SARDH: variants seen among roughly 807,000 people sequenced by gnomAD.
The protein encoded by SARDH is sarcosine dehydrogenase, also known as sarcosine dehydrogenase, mitochondrial.
SARDH carries 95 observed loss-of-function variants against 109.1 expected under a neutral mutation model. The observed-to-expected ratio is 0.87, with a 90% CI of 0.74 to 1.03. The LOEUF (loss-of-function observed/expected upper bound fraction) is 1.03. SARDH is among the 50% of genes least tolerant of loss of function. The probability of loss-of-function intolerance (pLI) is 0.00; values close to 1 mark genes in which losing one functional copy is unlikely to be tolerated. For synonymous variants in SARDH, 572 were observed against 534.8 expected (o/e 1.07, Z -0.96); for missense variants, 1,267 against 1,287.8 (o/e 0.98, Z 0.25).
chr9:133,726,460 C>A (rs1335819294), intron 6 of SARDH, among the ~76,000 whole-genome samples: 1 of 151,672 alleles, frequency 6.6e-6, no homozygotes, highest in Non-Finnish European at 1.5e-5. Flanking sequence ...AAAACAAAGC[C>A]AGCCCCAGAG....
chr9:133,726,488 G>A (rs1832496899), intron 6 of SARDH, among the ~76,000 whole-genome samples: 1 of 152,020 alleles, frequency 6.6e-6, no homozygotes, highest in African/African-American at 2.4e-5. Flanking sequence ...GAGCAGGACA[G>A]TGGGGACACC....
At position 133,729,775 on chromosome 9, in the gene SARDH, T is replaced by C. The variant is rs1379645119; in HGVS notation, c.905A>G (p.Glu302Gly). 1.2e-6 allele frequency: 2 copies of C among 1,612,618 alleles called. No individual in the cohort carries two copies. Among genetic ancestry groups the C allele is most frequent in the South Asian group, 1.1e-5 (1 of 91,048 alleles). The change falls in exon 6 of 21, where the codon GAG becomes GGG. Residue 302 changes from glutamate (E) to glycine (G), a missense_variant. Glu to Gly is a moderately conservative substitution (Grantham distance 98). Transcript: ENST00000439388. ...HHAYVVTERI[E>G]GIQNMPNVRD... ...GGGCTGTCCACCTACCTGAATCCCC[T>C]CGATGCGCTCGGTGACGACATAGGC...
rs1305077317 is a variant in SARDH, at chr9:133,728,098, C to T, written c.915+1667G>A. Among the ~76,000 whole-genome samples, 1 of 152,176 alleles carries T rather than the reference C, an allele frequency of 6.6e-6. No homozygotes were observed. ...CTCAGCTCCGACACCCACCGTGTGA[C>T]TACTCTTAGTCCCTAACCCGGCACA... On this transcript the variant is annotated intron_variant, in intron 6 of 20. Transcript: ENST00000439388. This position sits in a 1 kb window ranked among gnomAD's most constrained non-coding sequence, Gnocchi z 5.0.
At chr9:133,736,207 T>C (rs930174826) in intron 1 of SARDH, among the ~76,000 whole-genome samples, 2 of 152,224 alleles carry the variant, frequency 1.3e-5, no homozygotes, top group African/African-American at 4.8e-5. Context: ...AAAGGGGGTT[T>C]CTCCAACAAT....
intron 17 of SARDH, among the ~76,000 whole-genome samples, chr9:133,681,706 G>A (rs908831743): frequency 5.3e-5 from 8 of 152,218 alleles, no homozygotes; most frequent in African/African-American, 1.9e-4. Flanking sequence ...TAAAACACTA[G>A]TGCTTGACTG....
At chr9:133,661,339 CAAAAA>C (rs748291485), downstream of SARDH, among the ~76,000 whole-genome samples, 2 of 140,184 alleles carry the variant, frequency 1.4e-5, no homozygotes, top group Non-Finnish European at 3.1e-5. Context: ...AACCCTGTCT[CAAAAA>C]AAAAACAACA....
At chr9:133,717,186 G>T in intron 8 of SARDH, 140 bp downstream of exon 8, 1 of 1,048,066 alleles carries the variant, frequency 9.5e-7, no homozygotes, top group Non-Finnish European at 1.4e-6. Flanking sequence ...CAGGGCTGCT[G>T]GAGCCAAGCA....
At chr9:133,665,146 G>A (rs760823870) in intron 20 of SARDH, among the ~76,000 whole-genome samples, 4 of 152,106 alleles carry the variant, frequency 2.6e-5, no homozygotes, top group Non-Finnish European at 4.4e-5. Context: ...GGCAGGAGAC[G>A]TGCACCGGCC....
At position 133,717,197 on chromosome 9, in the gene SARDH, G is replaced by T. The variant is rs973703816; in HGVS notation, c.1150+129C>A. ...TACCCAGGGCTGCTGGAGCCAAGCA[G>T]CGAGAGGGACCGGGGACAGCCCTGG... On this transcript the variant is annotated intron_variant, in intron 8 of 20. Transcript: ENST00000439388. 264 of 1,186,348 alleles carry T rather than the reference G, an allele frequency of 2.2e-4. 2 individuals are homozygous for T. Among genetic ancestry groups the T allele is most frequent in the Non-Finnish European group, 4.2e-5 (35 of 837,526 alleles). The allele number at this position is 1,186,348 out of a possible 1,614,324, so 73.5% of individuals were successfully genotyped here. A position where few individuals can be genotyped will look rare whatever the true frequency, so the allele number is the denominator to read the frequency against.
At chr9:133,698,130 G>C (rs1199480880) in intron 13 of SARDH, among the ~76,000 whole-genome samples, 1 of 151,570 alleles carries the variant, frequency 6.6e-6, no homozygotes, top group Non-Finnish European at 1.5e-5. Context: ...TTCTATATTA[G>C]CAATGAACAG....
intron 17 of SARDH, among the ~76,000 whole-genome samples, chr9:133,676,209 C>T (rs1319560893): frequency 6.6e-6 from 1 of 152,078 alleles, no homozygotes; most frequent in Non-Finnish European, 1.5e-5. Context: ...CATAACACAA[C>T]GCGGACAAAA....
At chr9:133,710,961 GCTC>G (rs1266617848) in intron 10 of SARDH, among the ~76,000 whole-genome samples, 1 of 152,202 alleles carries the variant, frequency 6.6e-6, no homozygotes, top group Non-Finnish European at 1.5e-5. Flanking sequence ...CAGGGTGGGT[GCTC>G]CTCCTCCTGC....
Position 133,705,035 on chromosome 9 carries a change from A to G in SARDH, c.1471-4T>C, listed in dbSNP as rs1297581167. ...CGCAGCCTTGTCCAAGGAGTTCCTG[A>G]GCAGGAGTGGGGAACAGGCATCTGT... On this transcript the variant is annotated splice_polypyrimidine_tract_variant and splice_region_variant and intron_variant, in intron 11 of 20. Coordinates refer to ENST00000439388, the MANE Select transcript of SARDH (RefSeq NM_001134707.2). The G allele has an allele frequency of 1.3e-6, 2 of 1,586,784 alleles. No homozygotes were observed. The highest frequency in any genetic ancestry group is 1.7e-6 in the Non-Finnish European group (2 of 1,167,348).
At chr9:133,677,407 G>A (rs557688329) in intron 17 of SARDH, among the ~76,000 whole-genome samples, 40 of 152,234 alleles carry the variant, frequency 2.6e-4, no homozygotes, top group African/African-American at 7.7e-4. Flanking sequence ...ACCTCACCTG[G>A]GTGCAGCTTG....
At chr9:133,694,910 AT>A (rs1326661043) in intron 14 of SARDH, among the ~76,000 whole-genome samples, 2 of 152,102 alleles carry the variant, frequency 1.3e-5, no homozygotes, top group African/African-American at 4.8e-5. Flanking sequence ...GGATGGGTGG[AT>A]GCAAGACTGA....
chr9:133,690,879 C>T (rs559950547), intron 15 of SARDH, among the ~76,000 whole-genome samples: 205 of 152,268 alleles, frequency 1.3e-3, no homozygotes, highest in African/African-American at 4.7e-3. Context: ...ACCGGCCTTG[C>T]TTCTCACCTC....
chr9:133,689,949 C>G (rs1831033593), intron 16 of SARDH, among the ~76,000 whole-genome samples: 1 of 152,198 alleles, frequency 6.6e-6, no homozygotes, highest in South Asian at 2.1e-4. Flanking sequence ...TAAGCCTTAA[C>G]CTTGTCATGG....
At chr9:133,662,582 C>A (rs1172019306), downstream of SARDH, among the ~76,000 whole-genome samples, 1 of 152,226 alleles carries the variant, frequency 6.6e-6, no homozygotes, top group East Asian at 1.9e-4. This position sits in a 1 kb window ranked among gnomAD's most constrained non-coding sequence, Gnocchi z 5.1. Flanking sequence ...GGGGCCAAAC[C>A]CACTTTTCAC....
chr9:133,702,586 G>T (rs1371500794), intron 13 of SARDH, among the ~76,000 whole-genome samples: 3 of 152,214 alleles, frequency 2.0e-5, no homozygotes, highest in Non-Finnish European at 4.4e-5. Flanking sequence ...CCTCGGCGCA[G>T]CTCCGGAGAG....
Sources: gnomAD v4.1 joint callset for allele counts (sites outside exome capture counted in the v4.1 genomes callset) on GRCh38, gnomAD v4.1.1 for gene constraint, Gnocchi (gnomAD v3.1) non-coding constraint, MANE v1.5 for transcripts, NCBI Gene and HGNC (gene_info 2026-07-23, HGNC 2026-07-21) for gene names.